Variants in BCR observed in about 807,000 individuals in gnomAD.
BCR encodes breakpoint cluster region protein.
A neutral mutation model predicts 138.6 loss-of-function variants in BCR; 58 were observed. That is an observed-to-expected ratio of 0.42 (90% CI 0.34 to 0.52). The LOEUF (loss-of-function observed/expected upper bound fraction) is 0.52. BCR is among the 20% of genes least tolerant of loss of function. The pLI, the probability that BCR is intolerant of heterozygous loss-of-function variation, is 0.06. For synonymous variants in BCR, 786 were observed against 730.1 expected (o/e 1.08, Z -1.23); for missense variants, 1,599 against 1,727.2 (o/e 0.93, Z 1.32).
chr22:23,309,403 A>G (rs1381299531), intron 16 of BCR, 21 bp from the exon 17 acceptor site: 1 of 1,578,514 alleles, frequency 6.3e-7, no homozygotes, highest in Non-Finnish European at 8.6e-7. Flanking sequence ...GCCTCTGCCA[A>G]TCATGACTCC....
intron 1 of BCR, among the ~76,000 whole-genome samples, chr22:23,246,044 T>G (rs2073154118): frequency 6.6e-6 from 1 of 152,188 alleles, no homozygotes; most frequent in South Asian, 2.1e-4. Flanking sequence ...TCATACAACA[T>G]GTGGCACTTT....
Position 23,288,077 on chromosome 22 carries a change from G to T in BCR, c.2527-20G>T, listed in dbSNP as rs930103474. 1.2e-6 allele frequency: 2 copies of T among 1,613,146 alleles called. No homozygotes were observed. The highest frequency in any genetic ancestry group is 1.1e-5 in the South Asian group (1 of 91,066). ...AGCCAGGGCGGAGATAACTGGGTGT[G>T]TTCTTCTTGCCCACCCTAGAGTTAC... On this transcript the variant is annotated intron_variant, in intron 11 of 22. Coordinates refer to ENST00000305877, the MANE Select transcript of BCR (RefSeq NM_004327.4).
Position 23,316,872 on chromosome 22 carries a change from A to G in BCR, c.*1350A>G, listed in dbSNP as rs1336237445. ...AGCATGGAGACCGCCAAGTATTTTCAAGAAATAACCCCATGAATATTCCAT... is the reference window on the plus strand; with the variant it reads ...AGCATGGAGACCGCCAAGTATTTTCGAGAAATAACCCCATGAATATTCCAT... On this transcript the variant is annotated 3_prime_UTR_variant, in exon 23 of 23. Coordinates refer to ENST00000305877, the MANE Select transcript of BCR (RefSeq NM_004327.4). The G allele has an allele frequency of 1.6e-5, 2 of 121,792 alleles. No individual in the cohort carries two copies. Among genetic ancestry groups the G allele is most frequent in the East Asian group, 2.2e-4 (2 of 8,910 alleles). The allele number at this position is 121,792 out of a possible 1,614,324, so 7.5% of individuals were successfully genotyped here.
chr22:23,278,194 A>G (rs1455919684), intron 8 of BCR, among the ~76,000 whole-genome samples: 1 of 152,202 alleles, frequency 6.6e-6, no homozygotes, highest in East Asian at 1.9e-4. Flanking sequence ...TCGGAAGCAT[A>G]GCGGACGATC....
At chr22:23,254,884 C>T (rs182405283) in intron 2 of BCR, among the ~76,000 whole-genome samples, 2 of 152,282 alleles carry the variant, frequency 1.3e-5, no homozygotes, top group African/African-American at 2.4e-5. Context: ...CCACCATAGC[C>T]TGGCATGGTG....
At chr22:23,183,935 G>C (rs1460277966) in intron 1 of BCR, among the ~76,000 whole-genome samples, 1 of 152,184 alleles carries the variant, frequency 6.6e-6, no homozygotes, top group Non-Finnish European at 1.5e-5. Context: ...CCAGTGCCTT[G>C]AGTCAGACAG....
At chr22:23,215,708 C>T (rs372847951) in intron 1 of BCR, among the ~76,000 whole-genome samples, 5 of 152,150 alleles carry the variant, frequency 3.3e-5, no homozygotes, top group African/African-American at 7.2e-5. Flanking sequence ...ACAGGGACCC[C>T]GCTTAGTTAT....
intron 16 of BCR, among the ~76,000 whole-genome samples, chr22:23,304,099 A>ATTTTTT (rs56805241): frequency 2.9e-5 from 3 of 102,208 alleles, no homozygotes; most frequent in South Asian, 3.4e-4. Context: ...ATGCCAGGCT[A>ATTTTTT]TTTTTTTTTT....
At chr22:23,262,691 TGGCGGGCCCGGGTGAG>T (rs142016784) in intron 4 of BCR, 368,619 of 719,692 alleles carry the variant, frequency 0.51, 96,618 homozygotes, top group Non-Finnish European at 0.53. Flanking sequence ...CCGCCGGGAA[TGGCGGGCCCGGGTGAG>T]GGCGGGCCCG....
At chr22:23,213,018 A>C (rs2072704967) in intron 1 of BCR, among the ~76,000 whole-genome samples, 1 of 152,110 alleles carries the variant, frequency 6.6e-6, no homozygotes, top group African/African-American at 2.4e-5. Flanking sequence ...CATTCTCTCT[A>C]ATTTGGGAGG....
intron 16 of BCR, 94 bp from the exon 17 acceptor site, chr22:23,309,330 T>TA (rs2073983213): frequency 9.4e-7 from 1 of 1,058,694 alleles, no homozygotes; most frequent in African/African-American, 1.6e-5. Flanking sequence ...TGCCTCTGAC[T>TA]AAGGGTTGGG....
At chr22:23,211,789 A>G (rs1158591163) in intron 1 of BCR, among the ~76,000 whole-genome samples, 2 of 152,106 alleles carry the variant, frequency 1.3e-5, no homozygotes, top group Admixed American at 6.5e-5. Flanking sequence ...GGATTATCTT[A>G]GAGCTTCTCA....
At chr22:23,192,179 A>G (rs2267010) in intron 1 of BCR, among the ~76,000 whole-genome samples, 13,623 of 152,196 alleles carry the variant, frequency 0.09, 1,338 homozygotes, top group East Asian at 0.55. Context: ...AGTTTCTTGT[A>G]AAGTGGCTGG....
At chr22:23,209,917 A>G (rs2072662270) in intron 1 of BCR, among the ~76,000 whole-genome samples, 2 of 152,250 alleles carry the variant, frequency 1.3e-5, no homozygotes, top group African/African-American at 2.4e-5. Flanking sequence ...GACATGCACC[A>G]CTGCGCCCCT....
intron 16 of BCR, among the ~76,000 whole-genome samples, chr22:23,295,825 C>G (rs2073839297): frequency 6.6e-6 from 1 of 152,152 alleles, no homozygotes; most frequent in Non-Finnish European, 1.5e-5. Flanking sequence ...AGCTGGCGCC[C>G]CAGGCCCTGT....
chr22:23,263,835 T>C (rs1256288677), intron 4 of BCR: 1 of 1,108,442 alleles, frequency 9.0e-7, no homozygotes, highest in South Asian at 1.2e-5. Flanking sequence ...GTAGTGTTTA[T>C]ACACCATCCA....
At chr22:23,203,480 C>A (rs1452315893) in intron 1 of BCR, among the ~76,000 whole-genome samples, 2 of 152,206 alleles carry the variant, frequency 1.3e-5, no homozygotes, top group East Asian at 3.8e-4. Context: ...GAAGCAGAAT[C>A]TGAGATTAAG....
At chr22:23,292,757 G>A in intron 15 of BCR, 119 bp downstream of exon 15, 1 of 758,064 alleles carries the variant, frequency 1.3e-6, no homozygotes, top group Non-Finnish European at 2.1e-6. Context: ...CAGTGCTGCT[G>A]AATTCCAGGA....
At chr22:23,270,261 C>T (rs2073494497) in intron 5 of BCR, among the ~76,000 whole-genome samples, 1 of 152,056 alleles carries the variant, frequency 6.6e-6, no homozygotes, top group Non-Finnish European at 1.5e-5. Context: ...GGGCAGCATC[C>T]AGTTAGATCT....
Sources: gnomAD v4.1 joint callset for allele counts (sites outside exome capture counted in the v4.1 genomes callset) on GRCh38, gnomAD v4.1.1 for gene constraint, MANE v1.5 for transcripts, NCBI Gene and HGNC (gene_info 2026-07-23, HGNC 2026-07-21) for gene names.